FHOD3: variants seen among roughly 807,000 people sequenced by gnomAD.
The protein encoded by FHOD3 is FH1/FH2 domain-containing protein 3.
In FHOD3, 90 loss-of-function variants were observed where a neutral mutation model predicts 173.0. The observed-to-expected ratio is 0.52, with a 90% CI of 0.44 to 0.62. The LOEUF (loss-of-function observed/expected upper bound fraction) is 0.62, where lower values mean the gene tolerates loss of function less well. FHOD3 is among the 20% of genes least tolerant of loss of function. The probability of loss-of-function intolerance (pLI) is 0.00; values close to 1 mark genes in which losing one functional copy is unlikely to be tolerated. For synonymous variants in FHOD3, 828 were observed against 823.0 expected, an observed-to-expected ratio of 1.01 and a Z score of -0.10; for missense variants, 1,945 against 2,034.7, an observed-to-expected ratio of 0.96 and a Z score of 0.85.
At chr18:36,546,718 G>A (rs191040108) in intron 5 of FHOD3, among the ~76,000 whole-genome samples, 5 of 152,224 alleles carry the variant, frequency 3.3e-5, no homozygotes, top group South Asian at 2.1e-4. Flanking sequence ...TTTGGTTCAC[G>A]TTCTGGCATT....
In FHOD3 at chr18:36,390,321, A is replaced by C. The variant is rs2048237565; in HGVS notation, c.337+17577A>C. Among the ~76,000 whole-genome samples the C allele has an allele frequency of 5.3e-5, 8 of 152,164 alleles. 1 individual carries two copies. The South Asian group carries it at 1.7e-3, about 32-fold the overall frequency. On this transcript the variant is annotated intron_variant, in intron 3 of 28. Coordinates refer to ENST00000590592, the MANE Select transcript of FHOD3 (RefSeq NM_001281740.3). ...GGAGGAGCATGGCTGTGCTGAGCTA[A>C]ATTAAAACTGGAGGTGCCCTGAGCT... is the stretch of plus-strand genomic sequence containing the variant.
intron 20 of FHOD3, among the ~76,000 whole-genome samples, chr18:36,732,618 A>G (rs1057196340): frequency 2.0e-5 from 3 of 152,182 alleles, no homozygotes; most frequent in Non-Finnish European, 4.4e-5. Context: ...AATCCAGCCT[A>G]TCGAAAGAGT....
intron 3 of FHOD3, among the ~76,000 whole-genome samples, chr18:36,416,007 A>G (rs548923564): frequency 3.9e-5 from 6 of 152,304 alleles, no homozygotes; most frequent in African/African-American, 1.4e-4. Context: ...CACATTGAAT[A>G]GCTGAATATC....
At chr18:36,435,056 AAC>A in intron 3 of FHOD3, among the ~76,000 whole-genome samples, 1 of 151,478 alleles carries the variant, frequency 6.6e-6, no homozygotes, top group Non-Finnish European at 1.5e-5. Context: ...ATTTATTTGT[AAC>A]CTTAATTTAC....
chr18:36,523,639 G>C (rs566365241), intron 5 of FHOD3, among the ~76,000 whole-genome samples: 16 of 152,314 alleles, frequency 1.1e-4, no homozygotes, highest in African/African-American at 3.4e-4. Context: ...TGGCAGTAAG[G>C]TTTCCAACAA....
At position 36,730,873 on chromosome 18, in the gene FHOD3, C is replaced by T. The variant is rs1378309527; in HGVS notation, c.3576+69C>T. 2.9e-5 allele frequency: 43 copies of T among 1,472,402 alleles called. No individual in the cohort carries two copies. In the Admixed American group the frequency reaches 8.1e-4, roughly 28 times the overall value. 91.2% of individuals were successfully genotyped at this position (1,472,402 alleles called of 1,614,324 possible). A position where few individuals can be genotyped will look rare whatever the true frequency, so the allele number is the denominator to read the frequency against. On this transcript the variant is annotated intron_variant, in intron 20 of 28. Transcript: ENST00000590592. Reference sequence around the variant, plus strand: ...CTGCATGTATAATATGCTGCATGTCCACATTTCAAAAGATCCATGGTGCCT... The same window carrying T: ...CTGCATGTATAATATGCTGCATGTCTACATTTCAAAAGATCCATGGTGCCT...
intron 19 of FHOD3, among the ~76,000 whole-genome samples, chr18:36,724,694 C>T (rs1239794150): frequency 6.6e-6 from 1 of 152,202 alleles, no homozygotes; most frequent in African/African-American, 2.4e-5. Flanking sequence ...TGTGCACACC[C>T]CTGCTCCCTC....
chr18:36,602,624 A>T lies in FHOD3; in HGVS notation c.719-50A>T, dbSNP rs770954843. ...TAATAAACTGTGATGTGAGTTAGAT[A>T]AAGAATGTTGATGAATTGCTGTTTC... On this transcript the variant is annotated intron_variant, in intron 7 of 28. Coordinates refer to ENST00000590592, the MANE Select transcript of FHOD3 (RefSeq NM_001281740.3). 7 of 1,328,334 alleles carry T rather than the reference A, an allele frequency of 5.3e-6. No individual in the cohort carries two copies. In the South Asian group the frequency reaches 8.2e-5, roughly 16 times the overall value. 82.3% of individuals were successfully genotyped at this position (1,328,334 alleles called of 1,614,324 possible). A position where few individuals can be genotyped will look rare whatever the true frequency, so the allele number is the denominator to read the frequency against.
chr18:36,401,492 T>C (rs2048809480), intron 3 of FHOD3, among the ~76,000 whole-genome samples: 1 of 152,204 alleles, frequency 6.6e-6, no homozygotes, highest in African/African-American at 2.4e-5. Context: ...CTTTGTCAAC[T>C]TCCAAGAGCA....
chr18:36,421,087 T>C (rs1473943701), intron 3 of FHOD3, among the ~76,000 whole-genome samples: 1 of 152,204 alleles, frequency 6.6e-6, no homozygotes, highest in Non-Finnish European at 1.5e-5. Flanking sequence ...CTCGGGTGCT[T>C]GAACTGTTTT....
chr18:36,592,893 C>G (rs186053047), intron 6 of FHOD3, among the ~76,000 whole-genome samples: 4 of 152,136 alleles, frequency 2.6e-5, no homozygotes, highest in African/African-American at 9.7e-5. Context: ...ATGATGCCTG[C>G]TCAGGAGTTT....
At chr18:36,478,907 T>C (rs1287410014) in intron 3 of FHOD3, among the ~76,000 whole-genome samples, 1 of 152,178 alleles carries the variant, frequency 6.6e-6, no homozygotes, top group African/African-American at 2.4e-5. Flanking sequence ...AAGACTTGAG[T>C]TCTTATTTTC....
chr18:36,418,382 T>G (rs1157865323), intron 3 of FHOD3, among the ~76,000 whole-genome samples: 1 of 152,214 alleles, frequency 6.6e-6, no homozygotes, highest in East Asian at 1.9e-4. Context: ...ATTGAAATTT[T>G]GTAGGAAGCT....
chr18:36,602,303 G>A (rs12605734), intron 7 of FHOD3, among the ~76,000 whole-genome samples: 37,908 of 152,144 alleles, frequency 0.25, 5,410 homozygotes, highest in East Asian at 0.36. Flanking sequence ...CTTCTGTGCT[G>A]ATGGATATTC....
At chr18:36,622,758 T>G (rs903465289) in intron 9 of FHOD3, among the ~76,000 whole-genome samples, 4 of 152,236 alleles carry the variant, frequency 2.6e-5, no homozygotes, top group Non-Finnish European at 5.9e-5. Flanking sequence ...TCCAGGTGTT[T>G]TCTAGCTCCC....
intron 16 of FHOD3, among the ~76,000 whole-genome samples, chr18:36,688,219 C>T (rs1260580617): frequency 6.6e-6 from 1 of 152,238 alleles, no homozygotes; most frequent in Non-Finnish European, 1.5e-5. Flanking sequence ...CCTCTACCAC[C>T]AGGTGGGGTG....
At chr18:36,609,179 C>G (rs1599858308) in intron 8 of FHOD3, among the ~76,000 whole-genome samples, 1 of 152,344 alleles carries the variant, frequency 6.6e-6, no homozygotes, top group South Asian at 2.1e-4. Context: ...TGCTCGGCAC[C>G]TTTAGTGTCT....
At chr18:36,518,123 G>A (rs1272123671) in intron 5 of FHOD3, among the ~76,000 whole-genome samples, 1 of 152,192 alleles carries the variant, frequency 6.6e-6, no homozygotes, top group Non-Finnish European at 1.5e-5. Context: ...GCCAAAAAGA[G>A]CAGAGGTTGG....
At chr18:36,659,031 A>G (rs1263112689) in intron 14 of FHOD3, among the ~76,000 whole-genome samples, 3 of 152,224 alleles carry the variant, frequency 2.0e-5, no homozygotes, top group Admixed American at 6.5e-5. Flanking sequence ...TCAGGAATCT[A>G]GACATGAGCG....
Sources: allele counts gnomAD v4.1 joint callset (sites outside exome capture counted in the v4.1 genomes callset), GRCh38; gene constraint gnomAD v4.1.1; transcripts MANE v1.5; gene names NCBI Gene and HGNC (gene_info 2026-07-23, HGNC 2026-07-21).